The following PRKN variants were observed in gnomAD, a reference collection of about 807,000 sequenced individuals.
The protein encoded by PRKN is parkin RBR E3 ubiquitin protein ligase, also known as E3 ubiquitin-protein ligase parkin.
PRKN carries 56 observed loss-of-function variants against 59.5 expected under a neutral mutation model. The observed-to-expected ratio is 0.94, with a 90% confidence interval of 0.76 to 1.18. The LOEUF (loss-of-function observed/expected upper bound fraction) is 1.18. PRKN is among the 50% of genes most tolerant of loss of function. The pLI, the probability that PRKN is intolerant of heterozygous loss-of-function variation, is 0.00. For synonymous variants in PRKN, 250 were observed against 222.1 expected (o/e 1.13, Z -1.12); for missense variants, 657 against 596.4 (o/e 1.10, Z -1.06).
chr6:162,021,463 T>TATATATATATATATATATA (rs1562466053), intron 5 of PRKN, among the ~76,000 whole-genome samples: 3 of 26,964 alleles, frequency 1.1e-4, no homozygotes, highest in African/African-American at 3.8e-4. Context: ...ATATATATAT[T>TATATATATATATATATATA]TTTTTTTTTT....
At chr6:162,338,460 GC>G (rs1783955559) in intron 2 of PRKN, among the ~76,000 whole-genome samples, 1 of 152,270 alleles carries the variant, frequency 6.6e-6, no homozygotes, top group South Asian at 2.1e-4. Flanking sequence ...TGCTGTGTTG[GC>G]CGGGCCGGTC....
intron 2 of PRKN, among the ~76,000 whole-genome samples, chr6:162,329,758 TTA>T (rs1161045683): frequency 2.0e-5 from 3 of 152,108 alleles, no homozygotes; most frequent in Non-Finnish European, 2.9e-5. Flanking sequence ...TTTGTACATT[TTA>T]TATATGTTTT....
chr6:162,165,254 G>A (rs13205287), intron 4 of PRKN, among the ~76,000 whole-genome samples: 81,061 of 148,046 alleles, frequency 0.55, 25,338 homozygotes, highest in Non-Finnish European at 0.62. Context: ...AATATTTCAT[G>A]AGTTGGGATT....
At chr6:161,741,809 A>AC (rs1263071263) in intron 7 of PRKN, among the ~76,000 whole-genome samples, 1 of 152,024 alleles carries the variant, frequency 6.6e-6, no homozygotes, top group Non-Finnish European at 1.5e-5. Flanking sequence ...CTGTGTCCCC[A>AC]CCCAAATCTC....
At chr6:162,008,496 A>G (rs149635688) in intron 5 of PRKN, among the ~76,000 whole-genome samples, 2 of 152,250 alleles carry the variant, frequency 1.3e-5, no homozygotes, top group Non-Finnish European at 2.9e-5. Flanking sequence ...GAAATGCATC[A>G]TGTTCAGTGT....
chr6:162,259,036 T>C (rs1779773445), intron 3 of PRKN, among the ~76,000 whole-genome samples: 1 of 152,206 alleles, frequency 6.6e-6, no homozygotes, highest in African/African-American at 2.4e-5. Flanking sequence ...CAGCCAGCAC[T>C]TATATTCTTC....
At chr6:162,584,589 T>G (rs1780932719) in intron 1 of PRKN, among the ~76,000 whole-genome samples, 1 of 152,114 alleles carries the variant, frequency 6.6e-6, no homozygotes, top group African/African-American at 2.4e-5. Context: ...TTCATTAATT[T>G]ATGCTTGTAT....
intron 2 of PRKN, among the ~76,000 whole-genome samples, chr6:162,308,089 G>A (rs1221372646): frequency 2.0e-5 from 3 of 152,142 alleles, no homozygotes; most frequent in Non-Finnish European, 4.4e-5. Context: ...TGACAGGCAC[G>A]TGGCCTTCTT....
chr6:162,478,700 G>C (rs528327211), intron 1 of PRKN, among the ~76,000 whole-genome samples: 3 of 152,104 alleles, frequency 2.0e-5, no homozygotes, highest in Non-Finnish European at 2.9e-5. Flanking sequence ...AACCCAGATG[G>C]TACAGGCGAC....
At chr6:162,310,761 A>AT (rs11373708) in intron 2 of PRKN, among the ~76,000 whole-genome samples, 19,094 of 44,402 alleles carry the variant, frequency 0.43, 2,576 homozygotes, top group African/African-American at 0.6. Context: ...ATATATATAT[A>AT]AAAAAAAGCA....
intron 2 of PRKN, among the ~76,000 whole-genome samples, chr6:162,330,056 T>C (rs756480286): frequency 6.6e-6 from 1 of 152,186 alleles, no homozygotes. Context: ...TCTTAGAAAG[T>C]TCCCCTCAGG....
Position 161,426,969 on chromosome 6 carries a change from T to C in PRKN, c.1084-40092A>G, listed in dbSNP as rs12173382. Among the ~76,000 whole-genome samples, 157 of 152,208 alleles carry C rather than the reference T, an allele frequency of 1.0e-3. 1 individual carries two copies. The East Asian group carries it at 0.02, about 20-fold the overall frequency. On this transcript the variant is annotated intron_variant, in intron 9 of 11. Coordinates refer to ENST00000366898, the MANE Select transcript of PRKN (RefSeq NM_004562.3). ...CTCCTGACCTTGTGATCTGCCCACC[T>C]CAGCCTCCCAAAGTGCTGGGATTAC...
At position 161,620,354 on chromosome 6, in the gene PRKN, C is replaced by T. The variant is rs185093631; in HGVS notation, c.872-50938G>A. ...GTTGGCTTTAGATCCTTGACTCCCA[C>T]GCTGTACAGCCCATTGTCCCAAGAC... On this transcript the variant is annotated intron_variant, in intron 7 of 11. Coordinates refer to ENST00000366898, the MANE Select transcript of PRKN (RefSeq NM_004562.3). 1.3e-4 allele frequency among the ~76,000 whole-genome samples: 20 copies of T among 152,186 alleles called. No homozygotes were observed. The East Asian group carries it at 3.5e-3, about 26-fold the overall frequency.
chr6:162,065,185 G>A (rs1562491854), intron 4 of PRKN, among the ~76,000 whole-genome samples: 2 of 152,150 alleles, frequency 1.3e-5, no homozygotes, highest in Non-Finnish European at 2.9e-5. Context: ...GGCACAGTCC[G>A]AGTCCAAAAG....
intron 7 of PRKN, among the ~76,000 whole-genome samples, chr6:161,577,737 G>C: frequency 6.6e-6 from 1 of 152,146 alleles, no homozygotes; most frequent in East Asian, 1.9e-4. Context: ...TATTAAAATT[G>C]ATGCAGATTG....
chr6:162,169,174 T>C (rs1453448186), intron 4 of PRKN, among the ~76,000 whole-genome samples: 1 of 152,188 alleles, frequency 6.6e-6, no homozygotes. Context: ...TCACATTCCC[T>C]TGTTTGGATT....
In PRKN at chr6:162,664,426, G is replaced by A. The variant is rs545595655; in HGVS notation, c.7+63236C>T. ...ATATACCCAGTAATGGGATTGCTGG[G>A]TTAAATAGTATTTATGGTTCTAGGT... is the stretch of plus-strand genomic sequence containing the variant. On this transcript the variant is annotated intron_variant, in intron 1 of 11. Coordinates refer to ENST00000366898, the MANE Select transcript of PRKN (RefSeq NM_004562.3). 2.0e-5 allele frequency among the ~76,000 whole-genome samples: 3 copies of A among 152,262 alleles called. No individual in the cohort carries two copies. The South Asian group carries it at 6.2e-4, about 32-fold the overall frequency.
chr6:162,336,384 G>C (rs1196810558), intron 2 of PRKN, among the ~76,000 whole-genome samples: 1 of 152,070 alleles, frequency 6.6e-6, no homozygotes, highest in African/African-American at 2.4e-5. Context: ...GGAATGTCTG[G>C]GTAATGGAGA....
At chr6:161,923,513 C>T (rs559370883) in intron 6 of PRKN, among the ~76,000 whole-genome samples, 2 of 152,178 alleles carry the variant, frequency 1.3e-5, no homozygotes, top group East Asian at 3.9e-4. Context: ...CAAAATATTG[C>T]AAACTCATAA....
Sources: gnomAD v4.1 joint callset for allele counts (sites outside exome capture counted in the v4.1 genomes callset) on GRCh38, gnomAD v4.1.1 for gene constraint, MANE v1.5 for transcripts, NCBI Gene and HGNC (gene_info 2026-07-23, HGNC 2026-07-21) for gene names.